The following SNRPC variants were observed in gnomAD, a reference collection of about 807,000 sequenced individuals.
SNRPC encodes the protein small nuclear ribonucleoprotein polypeptide C, also known as U1 small nuclear ribonucleoprotein C.
In SNRPC, 5 loss-of-function variants were observed where a neutral mutation model predicts 20.0. The observed-to-expected ratio is 0.25, with a 90% CI of 0.13 to 0.53. The LOEUF is 0.53. SNRPC is among the 20% of genes least tolerant of loss of function. The pLI is 0.96. For missense variants in SNRPC, 112 were observed against 224.1 expected (o/e 0.50, Z 3.19); for synonymous variants, 61 against 58.7 (o/e 1.04, Z -0.18).
At chr6:34,762,970 A>G (rs1008883977) in intron 3 of SNRPC, among the ~76,000 whole-genome samples, 1 of 152,216 alleles carries the variant, frequency 6.6e-6, no homozygotes, top group African/African-American at 2.4e-5. Context: ...ATATTTATCT[A>G]TTGGCACAGA....
chr6:34,758,713 A>G (rs920746478), intron 2 of SNRPC, among the ~76,000 whole-genome samples: 3 of 152,134 alleles, frequency 2.0e-5, no homozygotes, highest in African/African-American at 7.2e-5. Context: ...GGTTATTTGG[A>G]AAATGTTGAT....
chr6:34,771,111 G>A (rs539765354), intron 5 of SNRPC, among the ~76,000 whole-genome samples: 15 of 152,162 alleles, frequency 9.9e-5, no homozygotes, highest in African/African-American at 3.1e-4. Flanking sequence ...GGCAGATCAC[G>A]AGGTCAAGAG....
intron 2 of SNRPC, among the ~76,000 whole-genome samples, chr6:34,760,898 A>G (rs1764526747): frequency 6.6e-6 from 1 of 151,712 alleles, no homozygotes; most frequent in Non-Finnish European, 1.5e-5. Context: ...ACAAAAAAAA[A>G]TTAGCTGGGT....
Sources: allele counts gnomAD v4.1 joint callset (sites outside exome capture counted in the v4.1 genomes callset), GRCh38; gene constraint gnomAD v4.1.1; transcripts MANE v1.5; gene names NCBI Gene and HGNC (gene_info 2026-07-23, HGNC 2026-07-21).